The following PCYT1A variants were observed in gnomAD, a reference collection of about 807,000 sequenced individuals.
PCYT1A encodes choline-phosphate cytidylyltransferase A.
In PCYT1A, 25 loss-of-function variants were observed where a neutral mutation model predicts 43.7. The ratio of observed to expected loss-of-function variants is 0.57; its 90% CI spans 0.42 to 0.80. The LOEUF is 0.80. Ranked by LOEUF, PCYT1A falls within the 30% of genes least tolerant of loss-of-function variation. The pLI is 0.00. For synonymous variants in PCYT1A, 172 were observed against 170.7 expected, an observed-to-expected ratio of 1.01 and a Z score of -0.06; for missense variants, 421 against 474.2, an observed-to-expected ratio of 0.89 and a Z score of 1.04.
intron 5 of PCYT1A, among the ~76,000 whole-genome samples, chr3:196,244,752 ATTC>A (rs1446134336): frequency 6.6e-6 from 1 of 152,232 alleles, no homozygotes; most frequent in Non-Finnish European, 1.5e-5. Context: ...ACTAAGAAAA[ATTC>A]TTCTGCCTTG....
At position 196,242,046 on chromosome 3, in the gene PCYT1A, C is replaced by T; in HGVS notation, c.610G>A (p.Asp204Asn). The T allele has an allele frequency of 6.2e-7, 1 of 1,614,102 alleles. No individual in the cohort carries two copies. Among genetic ancestry groups the T allele is most frequent in the Non-Finnish European group, 8.5e-7 (1 of 1,180,002 alleles). Residue 204 changes from aspartate to asparagine, a missense_variant, in exon 7 of 9, where the codon GAC becomes AAC. Asp to Asn is a conservative substitution (Grantham distance 23). Coordinates refer to ENST00000431016, the MANE Select transcript of PCYT1A (RefSeq NM_001312673.2). The surrounding 1 kb of genome is among the most constrained non-coding windows in gnomAD (Gnocchi z 4.2). ...TCCCGCACAATTCGGGTGATGATGT[C>T]TGATGTGGAGATACCTTCTGTCCTC... ...TQRTEGISTS[D>N]IITRIVRDYD...
At chr3:196,258,530 T>C (rs1240644960) in intron 2 of PCYT1A, among the ~76,000 whole-genome samples, 6 of 152,264 alleles carry the variant, frequency 3.9e-5, no homozygotes, top group Non-Finnish European at 7.4e-5. Flanking sequence ...TTCCTTAGCA[T>C]TTTCTACATA....
chr3:196,271,415 T>A (rs948358504), intron 1 of PCYT1A, among the ~76,000 whole-genome samples: 1 of 152,176 alleles, frequency 6.6e-6, no homozygotes, highest in Non-Finnish European at 1.5e-5. Context: ...TTTTATTTAC[T>A]TTTTTATTGT....
In PCYT1A at chr3:196,276,960, T is replaced by C. The variant is rs542318835; in HGVS notation, c.-10-6419A>G. ...CAAAAAAAAAAAAGGCCACATGCAG[T>C]GGTTCATGCCTGTAATCCTGGCACT... On this transcript the variant is annotated intron_variant, in intron 1 of 8. Coordinates refer to ENST00000431016, the MANE Select transcript of PCYT1A (RefSeq NM_001312673.2). Among the ~76,000 whole-genome samples, 19 of 149,464 alleles carry C rather than the reference T, an allele frequency of 1.3e-4. No homozygotes were observed. The East Asian group carries it at 3.5e-3, about 28-fold the overall frequency.
chr3:196,243,605 C>G (rs955438574), intron 5 of PCYT1A, among the ~76,000 whole-genome samples: 2 of 152,186 alleles, frequency 1.3e-5, no homozygotes, highest in Non-Finnish European at 2.9e-5. Flanking sequence ...ACTGTACTGC[C>G]GCCATCTCTG....
intron 2 of PCYT1A, among the ~76,000 whole-genome samples, chr3:196,269,092 C>G (rs1192798142): frequency 1.3e-5 from 2 of 152,200 alleles, no homozygotes; most frequent in African/African-American, 2.4e-5. Context: ...CTGCCAACAC[C>G]CTGATTTTAG....
chr3:196,275,370 G>C (rs1725554023), intron 1 of PCYT1A, among the ~76,000 whole-genome samples: 1 of 152,182 alleles, frequency 6.6e-6, no homozygotes, highest in South Asian at 2.1e-4. Flanking sequence ...GAATGGAATG[G>C]TGGTTACAAG....
chr3:196,280,646 G>A (rs957534780), intron 1 of PCYT1A, among the ~76,000 whole-genome samples: 1 of 137,488 alleles, frequency 7.3e-6, no homozygotes, highest in Non-Finnish European at 1.5e-5. Flanking sequence ...CCATGGCCAC[G>A]AAGGGCTGAC....
At chr3:196,258,975 G>C (rs775018734) in intron 2 of PCYT1A, among the ~76,000 whole-genome samples, 88 of 152,150 alleles carry the variant, frequency 5.8e-4, no homozygotes, top group Non-Finnish European at 9.3e-4. Context: ...GTTGTGAAGT[G>C]TTCTCTTTAC....
chr3:196,259,848 A>C (rs1725056169), intron 2 of PCYT1A, among the ~76,000 whole-genome samples: 1 of 151,538 alleles, frequency 6.6e-6, no homozygotes, highest in Non-Finnish European at 1.5e-5. Flanking sequence ...CTGTCTCAAA[A>C]AAAAAAAAAT....
At chr3:196,269,688 A>G (rs1725374875) in intron 2 of PCYT1A, among the ~76,000 whole-genome samples, 1 of 152,126 alleles carries the variant, frequency 6.6e-6, no homozygotes, top group Admixed American at 6.6e-5. Flanking sequence ...ATAAAGGAGC[A>G]TAAGGTAGGC....
intron 1 of PCYT1A, among the ~76,000 whole-genome samples, chr3:196,285,805 C>A (rs2108785232): frequency 6.6e-6 from 1 of 152,250 alleles, no homozygotes; most frequent in South Asian, 2.1e-4. Flanking sequence ...CACTAAATCC[C>A]ATTCTCAATG....
chr3:196,241,148 A>C (rs1029044661), intron 7 of PCYT1A, among the ~76,000 whole-genome samples: 5 of 148,762 alleles, frequency 3.4e-5, no homozygotes, highest in African/African-American at 9.9e-5. Flanking sequence ...AAAAAAAAAA[A>C]AAAAAAAAAA....
intron 2 of PCYT1A, among the ~76,000 whole-genome samples, chr3:196,259,100 C>T (rs1725032143): frequency 6.6e-6 from 1 of 152,178 alleles, no homozygotes; most frequent in African/African-American, 2.4e-5. Context: ...TCTCTGCAGC[C>T]TCCAACTCTG....
intron 5 of PCYT1A, among the ~76,000 whole-genome samples, chr3:196,245,597 G>A (rs1272545938): frequency 2.6e-5 from 4 of 152,090 alleles, no homozygotes; most frequent in Non-Finnish European, 5.9e-5. Context: ...TACCATCCCC[G>A]AGAGACCACT....
intron 2 of PCYT1A, among the ~76,000 whole-genome samples, chr3:196,264,715 C>T (rs976519658): frequency 6.6e-6 from 1 of 151,954 alleles, no homozygotes; most frequent in African/African-American, 2.4e-5. Flanking sequence ...TGGTATCCTT[C>T]CTACTCCTTT....
At chr3:196,269,948 A>C (rs1230116013) in intron 2 of PCYT1A, among the ~76,000 whole-genome samples, 3 of 152,114 alleles carry the variant, frequency 2.0e-5, no homozygotes, top group Admixed American at 6.6e-5. Flanking sequence ...ATCTCGGCTC[A>C]CCGCATCCTC....
intron 1 of PCYT1A, among the ~76,000 whole-genome samples, chr3:196,280,041 G>C (rs918196465): frequency 6.6e-6 from 1 of 151,800 alleles, no homozygotes; most frequent in Non-Finnish European, 1.5e-5. Context: ...TCCATGTTGA[G>C]GCTGGTCTTG....
intron 2 of PCYT1A, among the ~76,000 whole-genome samples, chr3:196,265,877 T>A (rs1725254932): frequency 6.6e-6 from 1 of 151,894 alleles, no homozygotes; most frequent in African/African-American, 2.4e-5. Context: ...TAGCTGGGAC[T>A]ACAGGCGCCC....
Sources: gnomAD v4.1 joint callset for allele counts (sites outside exome capture counted in the v4.1 genomes callset) on GRCh38, gnomAD v4.1.1 for gene constraint, Gnocchi (gnomAD v3.1) non-coding constraint, MANE v1.5 for transcripts, NCBI Gene and HGNC (gene_info 2026-07-23, HGNC 2026-07-21) for gene names.